KIAA0586: variants seen among roughly 807,000 people sequenced by gnomAD.
KIAA0586 encodes KIAA0586.
KIAA0586 carries 144 observed loss-of-function variants against 169.8 expected under a neutral mutation model. That is an observed-to-expected ratio of 0.85 (90% CI 0.74 to 0.97). The LOEUF (loss-of-function observed/expected upper bound fraction) is 0.97. KIAA0586 is among the 50% of genes least tolerant of loss of function. KIAA0586 has a pLI of 0.00. For synonymous variants in KIAA0586, 625 were observed against 612.4 expected (o/e 1.02, Z -0.30); for missense variants, 1,854 against 1,823.0 (o/e 1.02, Z -0.31).
chr14:58,438,490 A>G lies in KIAA0586; in HGVS notation c.411-4216A>G, dbSNP rs376525336. On this transcript the variant is annotated intron_variant, in intron 4 of 30. Transcript: ENST00000652326. ...AACCCTTTGTTACTTGCTGTTTGGTATGAAAGAAGTCCTGCTACCATTCCC... is the reference window on the plus strand; with the variant it reads ...AACCCTTTGTTACTTGCTGTTTGGTGTGAAAGAAGTCCTGCTACCATTCCC... 6.6e-5 allele frequency among the ~76,000 whole-genome samples: 10 copies of G among 152,290 alleles called. 1 individual carries two copies. The highest frequency in any genetic ancestry group is 7.2e-5 in the African/African-American group (3 of 41,558).
Position 58,532,544 on chromosome 14 carries a change from A to T in KIAA0586, c.4430-7527A>T, listed in dbSNP as rs191883983. Among the ~76,000 whole-genome samples, 8 of 152,240 alleles carry T rather than the reference A, an allele frequency of 5.3e-5. No homozygotes were observed. In the East Asian group the frequency reaches 1.5e-3, roughly 29 times the overall value. ...ATCAATTCCATCATTTTCAGAAAAG[A>T]TATCTTTTAAGAAATCTATTATTAT... On this transcript the variant is annotated intron_variant, in intron 29 of 30. Coordinates refer to ENST00000652326, the MANE Select transcript of KIAA0586 (RefSeq NM_001329943.3).
At chr14:58,551,763 CA>C (rs35183186), downstream of KIAA0586, among the ~76,000 whole-genome samples, 5,094 of 140,352 alleles carry the variant, frequency 0.036, 115 homozygotes, top group South Asian at 0.072. Context: ...GAGACTGTCT[CA>C]AAAAAAAAAA....
In KIAA0586 at chr14:58,485,601, ACT is replaced by A. The variant is rs765239109; in HGVS notation, c.3145-1403_3145-1402del. On this transcript the variant is annotated intron_variant, in intron 21 of 30. Coordinates refer to ENST00000652326, the MANE Select transcript of KIAA0586 (RefSeq NM_001329943.3). ...TGACTGAAGTCAAGATTATTTGATA[ACT>A]CTGAGGAAGGGCTCTAGGTAGAAAG... Among the ~76,000 whole-genome samples, 33 of 152,330 alleles carry A rather than the reference ACT, an allele frequency of 2.2e-4. No homozygotes were observed. The East Asian group carries it at 5.4e-3, about 25-fold the overall frequency.
chr14:58,543,772 G>T, intron 30 of KIAA0586: 1 of 368,164 alleles, frequency 2.7e-6, no homozygotes, highest in Non-Finnish European at 5.3e-6. Context: ...CACTGCCAAG[G>T]ATCATTAGTT....
intron 29 of KIAA0586, among the ~76,000 whole-genome samples, chr14:58,523,914 G>C (rs867702930): frequency 6.6e-6 from 1 of 151,966 alleles, no homozygotes; most frequent in South Asian, 2.1e-4. Context: ...ACTGCAAGTT[G>C]ATGTATTACA....
chr14:58,517,626 C>G (rs1350269083), intron 29 of KIAA0586, among the ~76,000 whole-genome samples: 1 of 152,162 alleles, frequency 6.6e-6, no homozygotes, highest in Non-Finnish European at 1.5e-5. Flanking sequence ...CCTATGTATT[C>G]ATTCAAGATA....
intron 29 of KIAA0586, among the ~76,000 whole-genome samples, chr14:58,535,401 T>A (rs1383182115): frequency 6.6e-6 from 1 of 151,934 alleles, no homozygotes; most frequent in Non-Finnish European, 1.5e-5. Flanking sequence ...AGGAATACAG[T>A]CAAGTACTTA....
At chr14:58,494,734 T>C (rs2043052716) in intron 26 of KIAA0586, among the ~76,000 whole-genome samples, 1 of 152,152 alleles carries the variant, frequency 6.6e-6, no homozygotes, top group South Asian at 2.1e-4. Flanking sequence ...CCACTAGTCC[T>C]GGGGCTTGGA....
intron 4 of KIAA0586, among the ~76,000 whole-genome samples, chr14:58,432,934 T>G (rs953735839): frequency 2.0e-5 from 3 of 152,268 alleles, no homozygotes; most frequent in South Asian, 4.1e-4. Context: ...CAGGCTGGTC[T>G]TGAACTCCTG....
chr14:58,512,558 G>A lies in KIAA0586; in HGVS notation c.4360G>A (p.Glu1454Lys). Reference sequence around the variant, plus strand: ...GCAAAATCAGGATGTTAAGCAAGTTGAACACAAACCATCACAAAGTTACCT... The same window carrying A: ...GCAAAATCAGGATGTTAAGCAAGTTAAACACAAACCATCACAAAGTTACCT... ...LKQNQDVKQVEHKPSQSYLRV... is the reference protein window; with the variant it reads ...LKQNQDVKQVKHKPSQSYLRV... Residue 1454 changes from glutamate (E) to lysine (K), a missense_variant, in exon 29 of 31, where the codon GAA becomes AAA. Physicochemically the swap from Glu to Lys is moderately conservative, Grantham distance 56. Transcript: ENST00000652326. The A allele has an allele frequency of 6.5e-7, 1 of 1,544,844 alleles. No individual in the cohort carries two copies.
chr14:58,450,751 TAG>T lies in KIAA0586; in HGVS notation c.1129+9_1129+10del. ...TGGAAGTGTCGTGTCACAGAGGTAATAGAGACTTTTACTAGACCTATCCCAAA... is the reference window on the plus strand; with the variant it reads ...TGGAAGTGTCGTGTCACAGAGGTAATAGACTTTTACTAGACCTATCCCAAA... On this transcript the variant is annotated splice_donor_region_variant and intron_variant, in intron 8 of 30. Transcript: ENST00000652326. 1 of 1,570,682 alleles carries T rather than the reference TAG, an allele frequency of 6.4e-7. No individual in the cohort carries two copies. Among genetic ancestry groups the T allele is most frequent in the South Asian group, 1.1e-5 (1 of 89,120 alleles).
chr14:58,427,888 CT>C lies in KIAA0586; in HGVS notation c.-373del. The C allele has an allele frequency of 7.3e-7, 1 of 1,367,204 alleles. No homozygotes were observed. Among genetic ancestry groups the C allele is most frequent in the Non-Finnish European group, 9.6e-7 (1 of 1,043,362 alleles). The allele number at this position is 1,367,204 out of a possible 1,614,324, so 84.7% of individuals were successfully genotyped here. On this transcript the variant is annotated 5_prime_UTR_variant, in exon 1 of 31. It removes the in-frame stop codon of an upstream open reading frame in the 5' UTR. Transcript: ENST00000652326. ...TCATTATTTTAAAAATAGCATTTCG[CT>C]TTTATTTGCTTGACTGCCTCTTCTC...
At chr14:58,492,633 T>C (rs907982766) in intron 26 of KIAA0586, among the ~76,000 whole-genome samples, 3 of 152,206 alleles carry the variant, frequency 2.0e-5, no homozygotes, top group African/African-American at 7.2e-5. Flanking sequence ...AGATAAGGGC[T>C]TACACAAGTA....
intron 11 of KIAA0586, among the ~76,000 whole-genome samples, 158 bp from the exon 12 acceptor site, chr14:58,458,315 G>A (rs950376399): frequency 4.6e-5 from 7 of 151,984 alleles, no homozygotes; most frequent in African/African-American, 1.7e-4. Context: ...TCAGATGAAG[G>A]ATATTAGGCC....
At chr14:58,435,006 C>G (rs897583776) in intron 4 of KIAA0586, among the ~76,000 whole-genome samples, 20 of 152,242 alleles carry the variant, frequency 1.3e-4, no homozygotes, top group African/African-American at 4.8e-4. Context: ...CCAGGCTGGT[C>G]TCAAACTCCT....
At chr14:58,532,131 T>G (rs2046012138) in intron 29 of KIAA0586, among the ~76,000 whole-genome samples, 1 of 151,654 alleles carries the variant, frequency 6.6e-6, no homozygotes, top group Non-Finnish European at 1.5e-5. Context: ...TGTGTGTACC[T>G]ATGTAACAAA....
chr14:58,454,966 T>C lies in KIAA0586; in HGVS notation c.1253+1493T>C, dbSNP rs138617651. On this transcript the variant is annotated intron_variant, in intron 9 of 30. Coordinates refer to ENST00000652326, the MANE Select transcript of KIAA0586 (RefSeq NM_001329943.3). ...TTTCTGATGAGGAGTTGTATGTTGG[T>C]GTGCTTGATGGTGTCCCACAGGTCT... 1.1e-3 allele frequency among the ~76,000 whole-genome samples: 166 copies of C among 152,356 alleles called. 1 individual carries two copies. Among genetic ancestry groups the C allele is most frequent in the African/African-American group, 3.8e-3 (160 of 41,584 alleles).
At chr14:58,468,194 C>T (rs1465048729) in intron 16 of KIAA0586, among the ~76,000 whole-genome samples, 5 of 152,148 alleles carry the variant, frequency 3.3e-5, no homozygotes, top group East Asian at 3.9e-4. Flanking sequence ...TACAGGCGCC[C>T]GCCACCATGC....
At chr14:58,552,680 A>G (rs2047221781), downstream of KIAA0586, among the ~76,000 whole-genome samples, 1 of 152,222 alleles carries the variant, frequency 6.6e-6, no homozygotes, top group African/African-American at 2.4e-5. Flanking sequence ...AGAGACCCAA[A>G]TGATGAGACT....
Sources: gnomAD v4.1 joint callset for allele counts (sites outside exome capture counted in the v4.1 genomes callset) on GRCh38, gnomAD v4.1.1 for gene constraint, MANE v1.5 for transcripts, NCBI Gene and HGNC (gene_info 2026-07-23, HGNC 2026-07-21) for gene names.